Variants in FAM151A observed in about 807,000 individuals in gnomAD.
FAM151A encodes the protein family with sequence similarity 151 member A.
In FAM151A, 41 loss-of-function variants were observed where a neutral mutation model predicts 40.4. That is an observed-to-expected ratio of 1.01 (90% CI 0.79 to 1.32). FAM151A has a LOEUF of 1.32. FAM151A is among the 40% of genes most tolerant of loss of function. The probability of loss-of-function intolerance (pLI) is 0.00; values close to 1 mark genes in which losing one functional copy is unlikely to be tolerated. For synonymous variants in FAM151A, 337 were observed against 312.5 expected (o/e 1.08, Z -0.83); for missense variants, 740 against 740.4 (o/e 1.00, Z 0.01).
chr1:54,612,744 G>T, intron 4 of FAM151A, 34 bp from the exon 5 acceptor site: 2 of 1,545,604 alleles, frequency 1.3e-6, no homozygotes, highest in Non-Finnish European at 1.8e-6. Context: ...GTCTCACGGA[G>T]CTGCAGCGGC....
At chr1:54,612,097 A>G (rs1223912265) in intron 5 of FAM151A, among the ~76,000 whole-genome samples, 3 of 126,524 alleles carry the variant, frequency 2.4e-5, no homozygotes, top group Non-Finnish European at 4.9e-5. Flanking sequence ...TGGGAGTCCT[A>G]TGGAAGGTAG....
intron 5 of FAM151A, 49 bp downstream of exon 5, chr1:54,612,437 G>C (rs1195524927): frequency 7.4e-7 from 1 of 1,360,462 alleles, no homozygotes. Flanking sequence ...GATCTTGCTG[G>C]GGGCATCAGT....
At position 54,609,771 on chromosome 1, in the gene FAM151A, C is replaced by T. The variant is rs150570032; in HGVS notation, c.1255G>A (p.Ala419Thr). The T allele has an allele frequency of 1.2e-4, 186 of 1,614,128 alleles. No homozygotes were observed. In the African/African-American group the frequency reaches 1.3e-3, roughly 11 times the overall value. The change falls in exon 8 of 8, where the codon GCA becomes ACA. Residue 419 changes from alanine (A) to threonine (T), a missense_variant. Ala to Thr is a moderately conservative substitution (Grantham distance 58, BLOSUM62 0). Transcript: ENST00000302250. ...WGIHLQIAEP[A>T]ALRPSLALLA... ...AAGGCCAGGGATGGCCGGAGGGCTG[C>T]GGGCTCCGCTATTTGCAAATGGATG...
chr1:54,619,046 C>A (rs116286469), intron 2 of FAM151A, among the ~76,000 whole-genome samples: 1 of 152,118 alleles, frequency 6.6e-6, no homozygotes, highest in Non-Finnish European at 1.5e-5. Flanking sequence ...ATTCTACCAG[C>A]CCTCAGACCC....
At position 54,612,756 on chromosome 1, in the gene FAM151A, C is replaced by A. The variant is rs1241997674; in HGVS notation, c.576-46G>T. The A allele has an allele frequency of 3.5e-6, 5 of 1,440,830 alleles. No individual in the cohort carries two copies. The East Asian group carries it at 1.1e-4, about 33-fold the overall frequency. 89.3% of individuals were successfully genotyped at this position (1,440,830 alleles called of 1,614,324 possible). A position where few individuals can be genotyped will look rare whatever the true frequency, so the allele number is the denominator to read the frequency against. Reference sequence around the variant, plus strand: ...TTGGTCTCACGGAGCTGCAGCGGCCCCTTCCTCTCCTCTGGGGTCTCATCA... The same window carrying A: ...TTGGTCTCACGGAGCTGCAGCGGCCACTTCCTCTCCTCTGGGGTCTCATCA... On this transcript the variant is annotated intron_variant, in intron 4 of 7. Transcript: ENST00000302250.
At chr1:54,612,463 G>C (rs1300378300) in intron 5 of FAM151A, 23 bp downstream of exon 5, 3 of 1,571,646 alleles carry the variant, frequency 1.9e-6, no homozygotes, top group Non-Finnish European at 2.6e-6. Context: ...CAGGAGGGTG[G>C]GGGTGGGTTT....
At position 54,619,199 on chromosome 1, in the gene FAM151A, C is replaced by T. The variant is rs546589174; in HGVS notation, c.262+665G>A. Among the ~76,000 whole-genome samples, 6 of 152,212 alleles carry T rather than the reference C, an allele frequency of 3.9e-5. No homozygotes were observed. The East Asian group carries it at 1.2e-3, about 29-fold the overall frequency. On this transcript the variant is annotated intron_variant, in intron 2 of 7. Coordinates refer to ENST00000302250, the MANE Select transcript of FAM151A (RefSeq NM_176782.3). Reference sequence around the variant, plus strand: ...ACGTGCCCAGGTTTGAGGACTGTTCCCTTCATCTTTTATAGCTACTGCTTT... The same window carrying T: ...ACGTGCCCAGGTTTGAGGACTGTTCTCTTCATCTTTTATAGCTACTGCTTT...
Position 54,619,852 on chromosome 1 carries a change from A to G in FAM151A, c.262+12T>C, listed in dbSNP as rs377683365. 4.0e-5 allele frequency: 64 copies of G among 1,613,356 alleles called. No homozygotes were observed. In the East Asian group the frequency reaches 4.0e-4, roughly 10 times the overall value. Reference sequence around the variant, plus strand: ...TGCCCTGGCCTGCCTCAGTCTTGGCAGCTGGACTTACTGTTCAGGGCAGCT... The same window carrying G: ...TGCCCTGGCCTGCCTCAGTCTTGGCGGCTGGACTTACTGTTCAGGGCAGCT... On this transcript the variant is annotated intron_variant, in intron 2 of 7. Transcript: ENST00000302250.
chr1:54,616,554 T>A (rs1644175902), intron 2 of FAM151A, among the ~76,000 whole-genome samples: 1 of 151,958 alleles, frequency 6.6e-6, no homozygotes, highest in Non-Finnish European at 1.5e-5. Context: ...TTGTATTTAG[T>A]GGAGACGGGG....
intron 2 of FAM151A, among the ~76,000 whole-genome samples, chr1:54,616,983 G>GGT (rs140234700): frequency 0.27 from 41,203 of 151,928 alleles, 5,799 homozygotes; most frequent in African/African-American, 0.35. Flanking sequence ...TGAGATTACA[G>GGT]GTGAGTCTCA....
rs1644251173 is a variant in FAM151A at position 54,623,457 on chromosome 1, C to A, written c.-62G>T. ...GGCCCAGAGTCCCTGAGGCTCCCTG[C>A]AGCTGGAATCCTGTGGGAGGCAGGA... On this transcript the variant is annotated 5_prime_UTR_variant, in exon 1 of 8. Coordinates refer to ENST00000302250, the MANE Select transcript of FAM151A (RefSeq NM_176782.3). The A allele has an allele frequency of 1.6e-6, 2 of 1,283,222 alleles. No homozygotes were observed. Among genetic ancestry groups the A allele is most frequent in the Non-Finnish European group, 1.1e-6 (1 of 889,186 alleles). The allele number at this position is 1,283,222 out of a possible 1,614,324, so 79.5% of individuals were successfully genotyped here.
At position 54,623,261 on chromosome 1, in the gene FAM151A, T is replaced by TG. The variant is rs773244376; in HGVS notation, c.118+16dup. 17 of 1,582,700 alleles carry TG rather than the reference T, an allele frequency of 1.1e-5. No individual in the cohort carries two copies. The highest frequency in any genetic ancestry group is 1.5e-5 in the Non-Finnish European group (17 of 1,152,844). The stretch of plus-strand genomic sequence containing the variant: ...ATGAGGGAAGCCACTCAGGATGACA[T>TG]GGGGGGAGGCACCTACCTGGCCGCC... On this transcript the variant is annotated intron_variant, in intron 1 of 7. Transcript: ENST00000302250.
In FAM151A at chr1:54,615,023, A is replaced by G. The variant is rs898912719; in HGVS notation, c.416-164T>C. ...CACCACATCCCTGCAGGGTGTGAGGAAGGCCTTTCGAAGAGACAGAGCTAA... is the reference window on the plus strand; with the variant it reads ...CACCACATCCCTGCAGGGTGTGAGGGAGGCCTTTCGAAGAGACAGAGCTAA... On this transcript the variant is annotated intron_variant, in intron 3 of 7. Coordinates refer to ENST00000302250, the MANE Select transcript of FAM151A (RefSeq NM_176782.3). Among the ~76,000 whole-genome samples the G allele has an allele frequency of 4.4e-4, 67 of 152,134 alleles. 1 individual carries two copies. The highest frequency in any genetic ancestry group is 3.4e-3 in the Middle Eastern group (1 of 294).
chr1:54,614,163 C>T (rs935306642), intron 4 of FAM151A, among the ~76,000 whole-genome samples: 9 of 152,318 alleles, frequency 5.9e-5, no homozygotes, highest in Admixed American at 5.2e-4. Context: ...AGATCAAAGA[C>T]ATTCTCTCTC....
In FAM151A at chr1:54,618,950, G is replaced by GT. The variant is rs1433746121; in HGVS notation, c.262+913dup. 3.9e-5 allele frequency among the ~76,000 whole-genome samples: 6 copies of GT among 152,314 alleles called. No individual in the cohort carries two copies. In the East Asian group the frequency reaches 9.6e-4, roughly 24 times the overall value. On this transcript the variant is annotated intron_variant, in intron 2 of 7. Coordinates refer to ENST00000302250, the MANE Select transcript of FAM151A (RefSeq NM_176782.3). ...ATATGGAGTTGATTGCTTAACTAGT[G>GT]TAAGGGGCCATCTGGTATATTTCTG...
At chr1:54,615,062 G>A (rs1439249453) in intron 3 of FAM151A, among the ~76,000 whole-genome samples, 1 of 141,870 alleles carries the variant, frequency 7.0e-6, no homozygotes, top group Non-Finnish European at 1.6e-5. Context: ...AGAGAAGAAG[G>A]GCCTGCCTCT....
Position 54,609,368 on chromosome 1 carries a change from G to A in FAM151A, c.1658C>T (p.Thr553Ile). 1.2e-6 allele frequency: 2 copies of A among 1,614,152 alleles called. No individual in the cohort carries two copies. Among genetic ancestry groups the A allele is most frequent in the South Asian group, 2.2e-5 (2 of 91,088 alleles). ...CACAGCCCTAGCTGCCAGCAATGCT[G>A]TCCTCACAGAGGCATAGTCGCCCCC... ...PAGGDYASVR[T>I]ALLAARAVDR... The change falls in exon 8 of 8, where the codon ACA (threonine) becomes ATA (isoleucine). Residue 553 changes from threonine to isoleucine, a missense_variant. By Grantham distance (89) the Thr-to-Ile change is moderately conservative (BLOSUM62 -1). Transcript: ENST00000302250.
intron 4 of FAM151A, among the ~76,000 whole-genome samples, chr1:54,613,333 C>T (rs1644138448): frequency 1.3e-5 from 2 of 151,818 alleles, no homozygotes; most frequent in South Asian, 2.1e-4. Context: ...GAGCTGAGAT[C>T]GTGCCATTGC....
At chr1:54,610,881 C>A (rs536948940) in intron 6 of FAM151A, 6 of 985,352 alleles carry the variant, frequency 6.1e-6, no homozygotes, top group African/African-American at 1.7e-5. Flanking sequence ...GGCTTAACTG[C>A]GGCTCTTCTG....
Sources: gnomAD v4.1 joint callset for allele counts (sites outside exome capture counted in the v4.1 genomes callset) on GRCh38, gnomAD v4.1.1 for gene constraint, MANE v1.5 for transcripts, NCBI Gene and HGNC (gene_info 2026-07-23, HGNC 2026-07-21) for gene names.